The following DNMT1 variants were observed in gnomAD, a reference collection of about 807,000 sequenced individuals.
DNMT1 encodes DNA methyltransferase 1, also known as DNA (cytosine-5)-methyltransferase 1.
DNMT1 carries 24 observed loss-of-function variants against 205.3 expected under a neutral mutation model. That is an observed-to-expected ratio of 0.12 (90% CI 0.08 to 0.16). The LOEUF is 0.16. DNMT1 is among the 10% of genes least tolerant of loss of function. The pLI, the probability that DNMT1 is intolerant of heterozygous loss-of-function variation, is 1.00. For missense variants in DNMT1, 1,293 were observed against 2,177.7 expected (o/e 0.59, Z 8.09); for synonymous variants, 817 against 839.8 (o/e 0.97, Z 0.47).
chr19:10,175,426 CTAAA>C (rs2038920871), intron 7 of DNMT1, 110 bp downstream of exon 7: 1 of 1,259,846 alleles, frequency 7.9e-7, no homozygotes, highest in Non-Finnish European at 1.1e-6. Flanking sequence ...CTGGAGAGCC[CTAAA>C]TAGAGCCCTA....
chr19:10,177,194 CA>C, intron 6 of DNMT1, 97 bp downstream of exon 6: 1 of 1,117,742 alleles, frequency 8.9e-7, no homozygotes, highest in African/African-American at 1.5e-5. Flanking sequence ...AAAACCTATA[CA>C]ACACGGAAGA....
At chr19:10,162,964 CTTTTTTTTTTTT>C (rs397859775) in intron 12 of DNMT1, 1 of 327,548 alleles carries the variant, frequency 3.1e-6, no homozygotes, top group African/African-American at 2.8e-5. Flanking sequence ...CTAGAACAGG[CTTTTTTTTTTTT>C]TTTTTTTTGA....
In DNMT1 at chr19:10,151,595, C is replaced by G; in HGVS notation, c.2118-50G>C. On this transcript the variant is annotated intron_variant, in intron 23 of 40. Coordinates refer to ENST00000359526, the MANE Select transcript of DNMT1 (RefSeq NM_001130823.3). This position sits in a 1 kb window ranked among gnomAD's most constrained non-coding sequence, Gnocchi z 5.0. Reference sequence around the variant, plus strand: ...AGGCCCCTTTTCTAAGTAAGACCAACCGGGGCTGTTTTCTTCATAACAGGG... The same window carrying G: ...AGGCCCCTTTTCTAAGTAAGACCAAGCGGGGCTGTTTTCTTCATAACAGGG... The G allele has an allele frequency of 6.2e-7, 1 of 1,612,144 alleles. No homozygotes were observed.
At position 10,175,633 on chromosome 19, in the gene DNMT1, G is replaced by A. The variant is rs368322199; in HGVS notation, c.570-15C>T. The A allele has an allele frequency of 6.8e-6, 11 of 1,613,952 alleles. No homozygotes were observed. The highest frequency in any genetic ancestry group is 9.3e-6 in the Non-Finnish European group (11 of 1,179,860). On this transcript the variant is annotated splice_polypyrimidine_tract_variant and intron_variant, in intron 6 of 40. Transcript: ENST00000359526. Reference sequence around the variant, plus strand: ...GTTTGGCAGGGCTGTCACACACAGTGAGGCCAACCATTAGTGGAACAAGAC... The same window carrying A: ...GTTTGGCAGGGCTGTCACACACAGTAAGGCCAACCATTAGTGGAACAAGAC...
At chr19:10,157,440 G>A (rs952605354) in intron 17 of DNMT1, among the ~76,000 whole-genome samples, 20 of 152,074 alleles carry the variant, frequency 1.3e-4, no homozygotes, top group Admixed American at 1.0e-3. Context: ...CTTGACATTC[G>A]GGAGCACGTT....
In DNMT1 at chr19:10,140,920, G is replaced by C. The variant is rs368977635; in HGVS notation, c.3395-11C>G. ...TGGGCTTGCCCTTCCCTGGGGGAGA[G>C]AGGCCAGAGGCTAAACCCGATCCTC... On this transcript the variant is annotated splice_polypyrimidine_tract_variant and intron_variant, in intron 31 of 40. Transcript: ENST00000359526. The surrounding 1 kb of genome is among the most constrained non-coding windows in gnomAD (Gnocchi z 8.4). 21 of 1,613,760 alleles carry C rather than the reference G, an allele frequency of 1.3e-5. No individual in the cohort carries two copies. The African/African-American group carries it at 2.5e-4, about 19-fold the overall frequency.
At chr19:10,186,235 G>A (rs1339886149) in intron 1 of DNMT1, among the ~76,000 whole-genome samples, 1 of 152,138 alleles carries the variant, frequency 6.6e-6, no homozygotes, top group African/African-American at 2.4e-5. Context: ...AGAGAATAGA[G>A]AAACCTTCAA....
At position 10,137,790 on chromosome 19, in the gene DNMT1, G is replaced by C; in HGVS notation, c.4293+42C>G. 1 of 1,600,014 alleles carries C rather than the reference G, an allele frequency of 6.2e-7. No homozygotes were observed. The highest frequency in any genetic ancestry group is 1.1e-5 in the South Asian group (1 of 88,918). On this transcript the variant is annotated intron_variant, in intron 36 of 40. Transcript: ENST00000359526. This position sits in a 1 kb window ranked among gnomAD's most constrained non-coding sequence, Gnocchi z 6.4. ...CTGACTGTTCCCACGAGGCTGCTGG[G>C]CTGGGCCTCGAGGAGGAGCCGCTCT...
In DNMT1 at chr19:10,154,468, G is replaced by A. The variant is rs753235229; in HGVS notation, c.1844C>T (p.Ala615Val). The A allele has an allele frequency of 3.1e-6, 5 of 1,614,036 alleles. No homozygotes were observed. The highest frequency in any genetic ancestry group is 1.1e-5 in the South Asian group (1 of 91,086). The change falls in exon 22 of 41, where the codon GCG becomes GTG. Residue 615 changes from alanine to valine, a missense_variant. Physicochemically the swap from Ala to Val is moderately conservative, Grantham distance 64. This residue lies in a region of DNMT1 where 197 missense variants were observed against 353.6 expected (regional missense o/e 0.56). Coordinates refer to ENST00000359526, the MANE Select transcript of DNMT1 (RefSeq NM_001130823.3). This position sits in a 1 kb window ranked among gnomAD's most constrained non-coding sequence, Gnocchi z 6.3. ...GVTLGQRRAQARRQTIRHSTR... is the reference protein window; with the variant it reads ...GVTLGQRRAQVRRQTIRHSTR... ...AGAATGCCTGATGGTCTGCCGCCTC[G>A]CCTGGGCTCGCCTACGGGAGAGGTT...
chr19:10,149,105 C>G, intron 26 of DNMT1, 88 bp from the exon 27 acceptor site: 1 of 1,562,768 alleles, frequency 6.4e-7, no homozygotes, highest in African/African-American at 1.4e-5. Flanking sequence ...GGGTGGATCA[C>G]CTAAGGTCAG....
Position 10,168,378 on chromosome 19 carries a change from A to G in DNMT1, c.769-14T>C. 6.2e-7 allele frequency: 1 copy of G among 1,613,906 alleles called. No homozygotes were observed. The highest frequency in any genetic ancestry group is 8.5e-7 in the Non-Finnish European group (1 of 1,179,842). On this transcript the variant is annotated splice_polypyrimidine_tract_variant and intron_variant, in intron 9 of 40. Transcript: ENST00000359526. ...TCTCTTTTCTTCCTAAGTTGCAGGGAAAAAAGACAAGTTAATTTTTTCCAT... is the reference window on the plus strand; with the variant it reads ...TCTCTTTTCTTCCTAAGTTGCAGGGGAAAAAGACAAGTTAATTTTTTCCAT...
At chr19:10,149,432 C>T (rs754186807) in intron 26 of DNMT1, 21 bp downstream of exon 26, 80 of 1,613,654 alleles carry the variant, frequency 5.0e-5, no homozygotes, top group African/African-American at 4.0e-5. Flanking sequence ...CAGGGGCTCA[C>T]GAGGGACACC....
chr19:10,133,738 C>A lies in DNMT1; in HGVS notation c.4865-37G>T, dbSNP rs752975590. On this transcript the variant is annotated intron_variant, in intron 40 of 40. Transcript: ENST00000359526. This position sits in a 1 kb window ranked among gnomAD's most constrained non-coding sequence, Gnocchi z 4.1. ...TAAAAGGAAAAGTCACTCTGGGGAA[C>A]ACGCCCGGTGTCACGCCACTTGACA... is the stretch of plus-strand genomic sequence containing the variant. The A allele has an allele frequency of 1.9e-6, 3 of 1,568,274 alleles. No homozygotes were observed. In the South Asian group the frequency reaches 3.5e-5, roughly 18 times the overall value.
rs1863771 is a variant in DNMT1, at chr19:10,151,975, C to T, written c.2020-128G>A. On this transcript the variant is annotated intron_variant, in intron 22 of 40. Transcript: ENST00000359526. This position sits in a 1 kb window ranked among gnomAD's most constrained non-coding sequence, Gnocchi z 5.0. ...AGGAATTGCAGACCAGCCTGGCCAA[C>T]GTGGTGAAACCCCATCTCTACTAAA... is the stretch of plus-strand genomic sequence containing the variant. 122,288 of 820,116 alleles carry T rather than the reference C, an allele frequency of 0.15. 9,738 individuals are homozygous for T. Among genetic ancestry groups the T allele is most frequent in the East Asian group, 0.22 (8,755 of 39,196 alleles). 50.8% of individuals were successfully genotyped at this position (820,116 alleles called of 1,614,324 possible). A position where few individuals can be genotyped will look rare whatever the true frequency, so the allele number is the denominator to read the frequency against.
At chr19:10,183,120 T>TACACACGTAC in intron 1 of DNMT1, among the ~76,000 whole-genome samples, 1 of 128,368 alleles carries the variant, frequency 7.8e-6, no homozygotes, top group African/African-American at 2.9e-5. Context: ...TGTATATATA[T>TACACACGTAC]ATATATTTTT....
intron 39 of DNMT1, 51 bp from the exon 40 acceptor site, chr19:10,134,358 C>A (rs776732714): frequency 1.3e-6 from 2 of 1,573,608 alleles, no homozygotes; most frequent in East Asian, 2.3e-5. Context: ...AGGCCCAAGG[C>A]CCGGGGGCAG....
intron 24 of DNMT1, among the ~76,000 whole-genome samples, chr19:10,150,677 C>T (rs2038321499): frequency 1.3e-5 from 2 of 152,248 alleles, no homozygotes; most frequent in African/African-American, 2.4e-5. Flanking sequence ...CTCTCTCACA[C>T]TGTGGTAAAG....
rs780156714 is a variant in DNMT1 at position 10,140,091 on chromosome 19, C to A, written c.3761G>T (p.Arg1254Leu). ...GFSGMNRFNS[R>L]TYSKFKNSLV... Reference sequence around the variant, plus strand: ...AGAGTTTTTGAACTTGGAGTAGGTGCGCGAATTGAAGCGGTTCATGCCGCT... The same window carrying A: ...AGAGTTTTTGAACTTGGAGTAGGTGAGCGAATTGAAGCGGTTCATGCCGCT... Residue 1254 changes from arginine (R) to leucine (L), a missense_variant, in exon 33 of 41, where the codon CGC becomes CTC. Physicochemically the swap from Arg to Leu is moderately radical, Grantham distance 102. Transcript: ENST00000359526. The surrounding 1 kb of genome is among the most constrained non-coding windows in gnomAD (Gnocchi z 8.4). The A allele has an allele frequency of 6.2e-7, 1 of 1,613,414 alleles. No homozygotes were observed. The highest frequency in any genetic ancestry group is 1.1e-5 in the South Asian group (1 of 91,096).
At chr19:10,190,882 A>G (rs1032709461) in intron 1 of DNMT1, among the ~76,000 whole-genome samples, 1 of 152,140 alleles carries the variant, frequency 6.6e-6, no homozygotes, top group Admixed American at 6.6e-5. Context: ...GGAGGCTAAG[A>G]TAAGTGGATC....
Sources: allele counts gnomAD v4.1 joint callset (sites outside exome capture counted in the v4.1 genomes callset), GRCh38; gene constraint gnomAD v4.1.1; regional missense constraint gnomAD v4.1.1; non-coding constraint Gnocchi (gnomAD v3.1); transcripts MANE v1.5; gene names NCBI Gene and HGNC (gene_info 2026-07-23, HGNC 2026-07-21).